EFEMP1: variants seen among roughly 807,000 people sequenced by gnomAD.
EFEMP1 encodes EGF-like fibulin extracellular matrix protein 1.
A neutral mutation model predicts 65.7 loss-of-function variants in EFEMP1; 18 were observed. The ratio of observed to expected loss-of-function variants is 0.27; its 90% CI spans 0.19 to 0.41. EFEMP1 has a LOEUF of 0.41. Ranked by LOEUF, EFEMP1 falls within the 10% of genes least tolerant of loss-of-function variation. The pLI, the probability that EFEMP1 is intolerant of heterozygous loss-of-function variation, is 1.00. For synonymous variants in EFEMP1, 237 were observed against 219.7 expected (o/e 1.08, Z -0.70); for missense variants, 469 against 624.8 (o/e 0.75, Z 2.66).
chr2:55,910,401 T>C (rs1246574647), intron 5 of EFEMP1, among the ~76,000 whole-genome samples: 3 of 152,218 alleles, frequency 2.0e-5, no homozygotes, highest in Non-Finnish European at 4.4e-5. Flanking sequence ...GCGGTGTGAA[T>C]TACTTATTTG....
chr2:55,874,741 T>TA (rs1261762435), intron 9 of EFEMP1, among the ~76,000 whole-genome samples: 7 of 152,048 alleles, frequency 4.6e-5, no homozygotes, highest in African/African-American at 1.4e-4. Context: ...ATTATTTATC[T>TA]TTTAAGGACG....
intron 4 of EFEMP1, 35 bp downstream of exon 4, chr2:55,918,184 C>T (rs774796064): frequency 6.2e-7 from 1 of 1,613,882 alleles, no homozygotes; most frequent in East Asian, 2.2e-5. Context: ...AGACAGAAGG[C>T]AATGATCACA....
Position 55,870,708 on chromosome 2 carries a change from C to T in EFEMP1, c.1320+12G>A, listed in dbSNP as rs780292007. 6.2e-7 allele frequency: 1 copy of T among 1,613,324 alleles called. No homozygotes were observed. Among genetic ancestry groups the T allele is most frequent in the East Asian group, 2.2e-5 (1 of 44,864 alleles). Reference sequence around the variant, plus strand: ...CTTTCTCAATAGTTAAGGCTGCCTTCAGGATACTTACTCGTAGGTAGAACT... The same window carrying T: ...CTTTCTCAATAGTTAAGGCTGCCTTTAGGATACTTACTCGTAGGTAGAACT... On this transcript the variant is annotated intron_variant, in intron 11 of 11. Transcript: ENST00000355426. This position sits in a 1 kb window ranked among gnomAD's most constrained non-coding sequence, Gnocchi z 5.8.
At chr2:55,904,155 A>G (rs890176570) in intron 5 of EFEMP1, among the ~76,000 whole-genome samples, 2 of 152,138 alleles carry the variant, frequency 1.3e-5, no homozygotes, top group African/African-American at 4.8e-5. Flanking sequence ...ACTGATTTTC[A>G]TACTTGAGTG....
At chr2:55,892,728 A>C (rs1669677474) in intron 5 of EFEMP1, among the ~76,000 whole-genome samples, 1 of 152,156 alleles carries the variant, frequency 6.6e-6, no homozygotes, top group Non-Finnish European at 1.5e-5. Flanking sequence ...GTGTGTCTGC[A>C]GAGTACAAAG....
chr2:55,909,804 A>G (rs902918614), intron 5 of EFEMP1, among the ~76,000 whole-genome samples: 7 of 152,124 alleles, frequency 4.6e-5, no homozygotes, highest in African/African-American at 1.7e-4. Flanking sequence ...ATGTTACTTT[A>G]TTGAACTGTT....
rs989907830 is a variant in EFEMP1, at chr2:55,917,326, C to T, written c.517+339G>A. Among the ~76,000 whole-genome samples, 1 of 152,078 alleles carries T rather than the reference C, an allele frequency of 6.6e-6. No homozygotes were observed. The highest frequency in any genetic ancestry group is 2.4e-5 in the African/African-American group (1 of 41,404). ...GCACATGAGGAACTGAAAAAAAAGC[C>T]GATGCCTGGAACCCACCTCAGAGAC... On this transcript the variant is annotated intron_variant, in intron 5 of 11. Transcript: ENST00000355426. This position sits in a 1 kb window ranked among gnomAD's most constrained non-coding sequence, Gnocchi z 6.3.
intron 5 of EFEMP1, among the ~76,000 whole-genome samples, chr2:55,901,623 A>C (rs903073442): frequency 2.6e-5 from 4 of 152,130 alleles, no homozygotes; most frequent in African/African-American, 9.7e-5. Flanking sequence ...TGCTTTTTGA[A>C]ATCATTTAAA....
chr2:55,922,673 G>T lies in EFEMP1; in HGVS notation c.-8+226C>A. 1 of 527,508 alleles carries T rather than the reference G, an allele frequency of 1.9e-6. No homozygotes were observed. The highest frequency in any genetic ancestry group is 4.1e-5 in the East Asian group (1 of 24,614). The allele number at this position is 527,508 out of a possible 1,614,324, so 32.7% of individuals were successfully genotyped here. ...AAACTGCTGTAGAATTGCATTTCAC[G>T]TTACTCCATCCTGCTACGCTGTTTA... On this transcript the variant is annotated intron_variant, in intron 2 of 11. Transcript: ENST00000355426. The surrounding 1 kb of genome is among the most constrained non-coding windows in gnomAD (Gnocchi z 5.5).
Position 55,889,614 on chromosome 2 carries a change from T to G in EFEMP1, c.518-7880A>C, listed in dbSNP as rs557993151. Among the ~76,000 whole-genome samples, 90 of 152,218 alleles carry G rather than the reference T, an allele frequency of 5.9e-4. 1 individual carries two copies. The highest frequency in any genetic ancestry group is 1.8e-3 in the Admixed American group (28 of 15,276). On this transcript the variant is annotated intron_variant, in intron 5 of 11. Transcript: ENST00000355426. Reference sequence around the variant, plus strand: ...AAGTACTGACTGCCTAAAACAATAATAGTAAAGTATTTTGGGATTTATAAA... The same window carrying G: ...AAGTACTGACTGCCTAAAACAATAAGAGTAAAGTATTTTGGGATTTATAAA...
chr2:55,874,877 T>C, intron 9 of EFEMP1, 69 bp downstream of exon 9: 9 of 1,525,028 alleles, frequency 5.9e-6, no homozygotes, highest in Non-Finnish European at 8.0e-6. Flanking sequence ...AGGAGAATCC[T>C]ATAACTTCCT....
intron 4 of EFEMP1, 54 bp downstream of exon 4, chr2:55,918,165 A>C (rs780599738): frequency 6.2e-7 from 1 of 1,613,072 alleles, no homozygotes; most frequent in Non-Finnish European, 8.5e-7. Flanking sequence ...AGAGTGACAC[A>C]AGAGATGGAG....
chr2:55,876,744 T>C lies in EFEMP1; in HGVS notation c.761-2A>G. 1 of 1,592,092 alleles carries C rather than the reference T, an allele frequency of 6.3e-7. No homozygotes were observed. Among genetic ancestry groups the C allele is most frequent in the Non-Finnish European group, 8.6e-7 (1 of 1,166,896 alleles). ...TGCTGGCATCACATTCATTTATATC[T>C]GAAAAAAAGTTTTATATATATATAT... On this transcript the variant is annotated splice_acceptor_variant, in intron 7 of 11. Transcript: ENST00000355426. LOFTEE classifies it high-confidence loss of function.
At chr2:55,910,028 G>C (rs1670423100) in intron 5 of EFEMP1, among the ~76,000 whole-genome samples, 1 of 152,176 alleles carries the variant, frequency 6.6e-6, no homozygotes, top group South Asian at 2.1e-4. Context: ...GGATGGGATA[G>C]ATGTACAATC....
rs114918358 is a variant in EFEMP1, at chr2:55,894,346, C to T, written c.518-12612G>A. 2.9e-3 allele frequency among the ~76,000 whole-genome samples: 447 copies of T among 152,130 alleles called. 4 individuals are homozygous for T. The highest frequency in any genetic ancestry group is 0.01 in the African/African-American group (422 of 41,494). On this transcript the variant is annotated intron_variant, in intron 5 of 11. Coordinates refer to ENST00000355426, the MANE Select transcript of EFEMP1 (RefSeq NM_001039348.3). ...TCTTTCAAGACAGTAATAAAATTAT[C>T]GATCAGAACTATGAAAAAACAGGGA...
At chr2:55,889,144 C>G (rs1428007837) in intron 5 of EFEMP1, among the ~76,000 whole-genome samples, 1 of 152,216 alleles carries the variant, frequency 6.6e-6, no homozygotes, top group Non-Finnish European at 1.5e-5. Context: ...TGGCTTATTC[C>G]TTCAGGCAAA....
In EFEMP1 at chr2:55,870,311, T is replaced by C. The variant is rs1572779548; in HGVS notation, c.1320+409A>G. Among the ~76,000 whole-genome samples the C allele has an allele frequency of 6.8e-6, 1 of 148,146 alleles. No homozygotes were observed. On this transcript the variant is annotated intron_variant, in intron 11 of 11. Coordinates refer to ENST00000355426, the MANE Select transcript of EFEMP1 (RefSeq NM_001039348.3). This position sits in a 1 kb window ranked among gnomAD's most constrained non-coding sequence, Gnocchi z 5.8. ...TGGGTTTGAATTATATGTATGTCTA[T>C]GTATAATTAATTAACCATCAATGAT...
intron 8 of EFEMP1, 75 bp downstream of exon 8, chr2:55,876,548 G>A: frequency 1.3e-6 from 2 of 1,570,098 alleles, no homozygotes; most frequent in South Asian, 1.1e-5. Flanking sequence ...TTTCATAAAT[G>A]GGTACATAAT....
Position 55,886,293 on chromosome 2 carries a change from AC to A in EFEMP1, c.518-4560del, listed in dbSNP as rs1454103148. Among the ~76,000 whole-genome samples the A allele has an allele frequency of 1.3e-5, 2 of 152,184 alleles. No individual in the cohort carries two copies. The highest frequency in any genetic ancestry group is 2.9e-5 in the Non-Finnish European group (2 of 68,036). On this transcript the variant is annotated intron_variant, in intron 5 of 11. Coordinates refer to ENST00000355426, the MANE Select transcript of EFEMP1 (RefSeq NM_001039348.3). This position sits in a 1 kb window ranked among gnomAD's most constrained non-coding sequence, Gnocchi z 4.0. ...ATTTTTAAAAGTATTCAGATTCTTC[AC>A]AATATACTTTTTTTGTTTCCAGACT...
Sources: gnomAD v4.1 joint callset for allele counts (sites outside exome capture counted in the v4.1 genomes callset) on GRCh38, gnomAD v4.1.1 for gene constraint, Gnocchi (gnomAD v3.1) non-coding constraint, MANE v1.5 for transcripts, NCBI Gene and HGNC (gene_info 2026-07-23, HGNC 2026-07-21) for gene names.